Variants in TGM2 observed in about 807,000 individuals in gnomAD.
TGM2 encodes protein-glutamine gamma-glutamyltransferase 2.
A neutral mutation model predicts 75.6 loss-of-function variants in TGM2; 53 were observed. The ratio of observed to expected loss-of-function variants is 0.70; its 90% CI spans 0.56 to 0.88. TGM2 has a LOEUF of 0.88. TGM2 is among the 40% of genes least tolerant of loss of function. The pLI is 0.00. For missense variants in TGM2, 842 were observed against 928.5 expected (o/e 0.91, Z 1.21); for synonymous variants, 374 against 381.1 (o/e 0.98, Z 0.22).
chr20:38,127,482 A>T lies in TGM2; in HGVS notation c.*2737T>A, dbSNP rs924900336. On this transcript the variant is annotated 3_prime_UTR_variant, in exon 13 of 13. Transcript: ENST00000361475. ...TGGGGACTGTCCCCATCATCTATTC[A>T]TTCAACAGATACTCATGAGTGCTTC... 1.1e-5 allele frequency: 5 copies of T among 473,190 alleles called. No individual in the cohort carries two copies. In the African/African-American group the frequency reaches 1.1e-4, roughly 10 times the overall value. 29.3% of individuals were successfully genotyped at this position (473,190 alleles called of 1,614,324 possible). A position where few individuals can be genotyped will look rare whatever the true frequency, so the allele number is the denominator to read the frequency against.
At chr20:38,138,530 G>A in intron 9 of TGM2, 145 bp from the exon 10 acceptor site, 1 of 1,476,988 alleles carries the variant, frequency 6.8e-7, no homozygotes, top group Non-Finnish European at 9.2e-7. Context: ...GGGCCAGAAG[G>A]ACACAGCATT....
chr20:38,164,041 AC>A lies in TGM2; in HGVS notation c.10+1147del, dbSNP rs1260455714. Reference sequence around the variant, plus strand: ...AGTGAGACCTCTGTCAGAAGTGGCCACTGTGACATGGGGCTGGAGGCTCATC... The same window carrying A: ...AGTGAGACCTCTGTCAGAAGTGGCCATGTGACATGGGGCTGGAGGCTCATC... On this transcript the variant is annotated intron_variant, in intron 1 of 12. Transcript: ENST00000361475. 5.9e-5 allele frequency among the ~76,000 whole-genome samples: 9 copies of A among 152,342 alleles called. No individual in the cohort carries two copies. The East Asian group carries it at 1.7e-3, about 29-fold the overall frequency.
intron 6 of TGM2, among the ~76,000 whole-genome samples, chr20:38,144,120 G>GC (rs1470806798): frequency 6.6e-6 from 1 of 152,298 alleles, no homozygotes; most frequent in East Asian, 1.9e-4. Context: ...TTTCCAGGGA[G>GC]CCAAGTGCCA....
chr20:38,148,723 A>C (rs1373134397), intron 4 of TGM2, among the ~76,000 whole-genome samples: 1 of 152,092 alleles, frequency 6.6e-6, no homozygotes, highest in African/African-American at 2.4e-5. Flanking sequence ...CACTCTGCCC[A>C]GGCTCACTGC....
chr20:38,160,706 G>A (rs760296396), intron 2 of TGM2, among the ~76,000 whole-genome samples: 3 of 152,204 alleles, frequency 2.0e-5, no homozygotes, highest in Non-Finnish European at 4.4e-5. Context: ...GCTGAAGCTA[G>A]CTGGGCTTTT....
chr20:38,151,238 C>T (rs528386959), intron 3 of TGM2, among the ~76,000 whole-genome samples, 181 bp from the exon 4 acceptor site: 17 of 152,286 alleles, frequency 1.1e-4, no homozygotes, highest in East Asian at 3.9e-4. Flanking sequence ...AAGGTGTTAT[C>T]GGTTAGTGAC....
At chr20:38,139,806 G>A in intron 8 of TGM2, 152 bp from the exon 9 acceptor site, 1 of 1,035,204 alleles carries the variant, frequency 9.7e-7, no homozygotes, top group South Asian at 1.6e-5. Flanking sequence ...GGCACCACAG[G>A]GCAAGGGTTC....
rs947253689 is a variant in TGM2, at chr20:38,131,522, C to T, written c.1777-293G>A. Among the ~76,000 whole-genome samples the T allele has an allele frequency of 2.6e-5, 4 of 152,094 alleles. No individual in the cohort carries two copies. The South Asian group carries it at 8.3e-4, about 32-fold the overall frequency. ...AGGGGAAAGATCACAGGCTTTTGAG[C>T]CAGGCTGATCTCTGCCTCTTCTTCA... On this transcript the variant is annotated intron_variant, in intron 11 of 12. Transcript: ENST00000361475.
At chr20:38,156,177 C>T (rs1425664564) in intron 2 of TGM2, 88 bp from the exon 3 acceptor site, 4 of 1,503,674 alleles carry the variant, frequency 2.7e-6, no homozygotes, top group Non-Finnish European at 2.7e-6. Flanking sequence ...GCTTGGGCTC[C>T]AGGCCTAGTT....
At chr20:38,167,545 C>G (rs1432309372), upstream of TGM2, among the ~76,000 whole-genome samples, 3 of 152,080 alleles carry the variant, frequency 2.0e-5, no homozygotes, top group Non-Finnish European at 4.4e-5. Context: ...CACTATGTTG[C>G]CCAGGCTGGT....
intron 6 of TGM2, among the ~76,000 whole-genome samples, chr20:38,143,396 G>A (rs1469013875): frequency 6.6e-6 from 1 of 152,218 alleles, no homozygotes; most frequent in African/African-American, 2.4e-5. Context: ...GATGCACGTG[G>A]CCCTATAAAT....
At position 38,148,027 on chromosome 20, in the gene TGM2, C is replaced by T; in HGVS notation, c.615G>A (p.Lys205=). Residue 205 remains lysine (K), a synonymous_variant, in exon 5 of 13, where the codon AAG becomes AAA. Transcript: ENST00000361475. Reference sequence around the variant, plus strand: ...GGCGGGAGCAGTCACGGCCGGCGTTCTTCAGGAACTTGGGGTTGACATCTA... The same window carrying T: ...GGCGGGAGCAGTCACGGCCGGCGTTTTTCAGGAACTTGGGGTTGACATCTA... ...ILLDVNPKFL[K]NAGRDCSRRS... 1 of 1,613,972 alleles carries T rather than the reference C, an allele frequency of 6.2e-7. No individual in the cohort carries two copies. Among genetic ancestry groups the T allele is most frequent in the Non-Finnish European group, 8.5e-7 (1 of 1,180,014 alleles).
chr20:38,150,225 C>T (rs901735122), intron 4 of TGM2, among the ~76,000 whole-genome samples: 2 of 152,320 alleles, frequency 1.3e-5, no homozygotes, highest in East Asian at 1.9e-4. Context: ...TGAGAAACCA[C>T]GTGAAACAGA....
In TGM2 at chr20:38,159,916, C is replaced by A. The variant is rs371925698; in HGVS notation, c.190+1504G>T. 1.3e-4 allele frequency among the ~76,000 whole-genome samples: 20 copies of A among 152,354 alleles called. No homozygotes were observed. The East Asian group carries it at 3.7e-3, about 28-fold the overall frequency. ...GTCTGACTCTTCTCAGGCCACCAGA[C>A]CCAGCCCTTAACTGCCATGTACCCT... On this transcript the variant is annotated intron_variant, in intron 2 of 12. Transcript: ENST00000361475.
rs1379467151 is a variant in TGM2 at position 38,129,308 on chromosome 20, T to TCCCAGTCC, written c.*903_*910dup. The TCCCAGTCC allele has an allele frequency of 2.6e-5, 4 of 152,276 alleles. No homozygotes were observed. Among genetic ancestry groups the TCCCAGTCC allele is most frequent in the African/African-American group, 7.2e-5 (3 of 41,438 alleles). The allele number at this position is 152,276 out of a possible 1,614,324, so 9.4% of individuals were successfully genotyped here. A position where few individuals can be genotyped will look rare whatever the true frequency, so the allele number is the denominator to read the frequency against. On this transcript the variant is annotated 3_prime_UTR_variant, in exon 13 of 13. Coordinates refer to ENST00000361475, the MANE Select transcript of TGM2 (RefSeq NM_004613.4). ...ACCTGAACCCAGCCAGGGCTCTGACTCCCAGTCCCCCAGTCCCCTCTCTAC... is the reference window on the plus strand; with the variant it reads ...ACCTGAACCCAGCCAGGGCTCTGACTCCCAGTCCCCCAGTCCCCCAGTCCCCTCTCTAC...
At chr20:38,164,945 A>G (rs1170423826) in intron 1 of TGM2, among the ~76,000 whole-genome samples, 1 of 152,226 alleles carries the variant, frequency 6.6e-6, no homozygotes, top group African/African-American at 2.4e-5. Context: ...CCAGGACAGT[A>G]CTTTACAGTT....
At chr20:38,142,896 G>C (rs1358465041) in intron 6 of TGM2, among the ~76,000 whole-genome samples, 1 of 152,246 alleles carries the variant, frequency 6.6e-6, no homozygotes, top group African/African-American at 2.4e-5. Flanking sequence ...GCCTCTGCCA[G>C]CTTCAAGGCA....
intron 6 of TGM2, chr20:38,145,953 T>C (rs1479066241): frequency 6.6e-6 from 1 of 151,914 alleles, no homozygotes; most frequent in Non-Finnish European, 1.5e-5. Context: ...TTTTATTTTT[T>C]TGTAGAGACA....
chr20:38,129,521 C>T lies in TGM2; in HGVS notation c.*698G>A, dbSNP rs1333553705. ...GCCACTGGTGTGGAGGGGGCTGCCT[C>T]CTCTCTCTAAGCCTCAGTCTCCTTA... is the stretch of plus-strand genomic sequence containing the variant. On this transcript the variant is annotated 3_prime_UTR_variant, in exon 13 of 13. Transcript: ENST00000361475. The T allele has an allele frequency of 6.6e-6, 1 of 152,286 alleles. No individual in the cohort carries two copies. The highest frequency in any genetic ancestry group is 2.4e-5 in the African/African-American group (1 of 41,438). The allele number at this position is 152,286 out of a possible 1,614,324, so 9.4% of individuals were successfully genotyped here.
Sources: allele counts gnomAD v4.1 joint callset (sites outside exome capture counted in the v4.1 genomes callset), GRCh38; gene constraint gnomAD v4.1.1; transcripts MANE v1.5; gene names NCBI Gene and HGNC (gene_info 2026-07-23, HGNC 2026-07-21).